The following PTPN3 variants were observed in gnomAD, a reference collection of about 807,000 sequenced individuals.
PTPN3 encodes the protein tyrosine-protein phosphatase non-receptor type 3.
PTPN3 carries 96 observed loss-of-function variants against 132.7 expected under a neutral mutation model. That is an observed-to-expected ratio of 0.72 (90% CI 0.61 to 0.86). The LOEUF (loss-of-function observed/expected upper bound fraction) is 0.86, where lower values mean the gene tolerates loss of function less well. Among genes scored for constraint, PTPN3 ranks in the 40% least tolerant of loss-of-function variants. The pLI, the probability that PTPN3 is intolerant of heterozygous loss-of-function variation, is 0.00. For missense variants in PTPN3, 1,125 were observed against 1,159.6 expected, an observed-to-expected ratio of 0.97 and a Z score of 0.43; for synonymous variants, 398 against 429.0, an observed-to-expected ratio of 0.93 and a Z score of 0.89.
chr9:109,479,467 C>T (rs1390493684), intron 1 of PTPN3, among the ~76,000 whole-genome samples: 5 of 152,256 alleles, frequency 3.3e-5, no homozygotes, highest in African/African-American at 1.2e-4. Context: ...TGTTGCAATG[C>T]TTAAATTTTA....
chr9:109,471,132 C>T (rs1391863921), intron 1 of PTPN3, among the ~76,000 whole-genome samples: 1 of 151,854 alleles, frequency 6.6e-6, no homozygotes, highest in African/African-American at 2.4e-5. Context: ...TCTCAGCTCA[C>T]TGCAACCTCC....
At chr9:109,450,105 C>T in intron 5 of PTPN3, 1 of 984,484 alleles carries the variant, frequency 1.0e-6, no homozygotes. Flanking sequence ...CTACAAATTT[C>T]TTATATGTTT....
chr9:109,416,451 C>CTT (rs1156941196), intron 14 of PTPN3, among the ~76,000 whole-genome samples: 4 of 132,616 alleles, frequency 3.0e-5, no homozygotes, highest in Non-Finnish European at 4.9e-5. Context: ...TTTTTTGTTT[C>CTT]TTTTTTTTTT....
At chr9:109,473,906 A>G (rs558828905) in intron 1 of PTPN3, among the ~76,000 whole-genome samples, 7 of 126,454 alleles carry the variant, frequency 5.5e-5, no homozygotes, top group Admixed American at 1.7e-4. Flanking sequence ...ATTGTGTTAG[A>G]AGTTCTTTTT....
intron 19 of PTPN3, among the ~76,000 whole-genome samples, chr9:109,402,881 G>A (rs1841261961): frequency 6.6e-6 from 1 of 152,000 alleles, no homozygotes; most frequent in South Asian, 2.1e-4. Context: ...GACCAGCCTG[G>A]GCAACATGGC....
At chr9:109,404,192 G>T (rs1841371188) in intron 19 of PTPN3, among the ~76,000 whole-genome samples, 1 of 152,176 alleles carries the variant, frequency 6.6e-6, no homozygotes, top group Non-Finnish European at 1.5e-5. Context: ...AGCGAGGGTG[G>T]CCACCCTGAT....
At chr9:109,488,226 G>A (rs1367757337) in intron 1 of PTPN3, among the ~76,000 whole-genome samples, 2 of 150,522 alleles carry the variant, frequency 1.3e-5, no homozygotes, top group African/African-American at 2.4e-5. Flanking sequence ...CTCAGCCTCC[G>A]GAGTAGCTGC....
chr9:109,458,177 A>G lies in PTPN3; in HGVS notation c.139-778T>C, dbSNP rs546372775. ...GAGGGCTGTGAAACAGTCGAGGCAC[A>G]GTGGACACCCAACGGGACCACACAA... On this transcript the variant is annotated intron_variant, in intron 2 of 25. Coordinates refer to ENST00000374541, the MANE Select transcript of PTPN3 (RefSeq NM_002829.4). Among the ~76,000 whole-genome samples the G allele has an allele frequency of 7.2e-5, 11 of 152,330 alleles. 1 individual carries two copies. The South Asian group carries it at 2.3e-3, about 32-fold the overall frequency.
At chr9:109,387,937 G>A (rs945965939) in intron 22 of PTPN3, among the ~76,000 whole-genome samples, 2 of 152,208 alleles carry the variant, frequency 1.3e-5, no homozygotes, top group Non-Finnish European at 2.9e-5. Flanking sequence ...GAGAAATCAA[G>A]TATCTCGTGG....
chr9:109,377,459 A>ACACACACACACACAC lies in PTPN3; in HGVS notation c.*2096_*2097insGTGTGTGTGTGTGTG, dbSNP rs1564361892. On this transcript the variant is annotated 3_prime_UTR_variant, in exon 26 of 26. Coordinates refer to ENST00000374541, the MANE Select transcript of PTPN3 (RefSeq NM_002829.4). Reference sequence around the variant, plus strand: ...ACACACACACACACACACACACACAAGCCAGGTGAGGTGGCATGTGCCTAT... The same window carrying ACACACACACACACAC: ...ACACACACACACACACACACACACAACACACACACACACACGCCAGGTGAGGTGGCATGTGCCTAT... 4 of 104,492 alleles carry ACACACACACACACAC rather than the reference A, an allele frequency of 3.8e-5. No homozygotes were observed. The highest frequency in any genetic ancestry group is 2.8e-4 in the East Asian group (1 of 3,626). The allele number at this position is 104,492 out of a possible 1,614,324, so 6.5% of individuals were successfully genotyped here. A position where few individuals can be genotyped will look rare whatever the true frequency, so the allele number is the denominator to read the frequency against.
chr9:109,424,093 G>T (rs1401230659), intron 12 of PTPN3, among the ~76,000 whole-genome samples: 2 of 152,152 alleles, frequency 1.3e-5, no homozygotes, highest in Non-Finnish European at 2.9e-5. Flanking sequence ...AACAAGGGGA[G>T]CAAACTGCCC....
At chr9:109,517,224 G>A in the PTPN3 span, among the ~76,000 whole-genome samples, 3 of 152,136 alleles carry the variant, frequency 2.0e-5, no homozygotes, top group African/African-American at 7.2e-5. Context: ...TCCCAAGCAA[G>A]GACCATTTTT....
chr9:109,493,245 AAAACAAAC>A lies in PTPN3; in HGVS notation c.-18+4966_-18+4973del, dbSNP rs141159233. Among the ~76,000 whole-genome samples the A allele has an allele frequency of 6.1e-3, 929 of 152,310 alleles. 11 individuals are homozygous for A. The highest frequency in any genetic ancestry group is 0.021 in the African/African-American group (873 of 41,560). ...GGCGAGACCCTTTCTCTATATTTAA[AAAACAAAC>A]AAACAAACAAAAACCAAAAAGACAA... is the stretch of plus-strand genomic sequence containing the variant. On this transcript the variant is annotated intron_variant, in intron 1 of 25. Transcript: ENST00000374541.
chr9:109,491,975 G>C (rs773356291), intron 1 of PTPN3, among the ~76,000 whole-genome samples: 2 of 152,246 alleles, frequency 1.3e-5, no homozygotes, highest in African/African-American at 4.8e-5. Flanking sequence ...GAGAGGGCAT[G>C]TGCAGATCAT....
chr9:109,451,091 CA>C, intron 5 of PTPN3: 4 of 971,902 alleles, frequency 4.1e-6, no homozygotes, highest in Non-Finnish European at 4.9e-6. Flanking sequence ...AAGCCTGGTC[CA>C]AGATAAGATG....
chr9:109,507,160 G>A, the PTPN3 span, among the ~76,000 whole-genome samples: 8 of 152,172 alleles, frequency 5.3e-5, no homozygotes, highest in Non-Finnish European at 8.8e-5. Flanking sequence ...AAATTCATGT[G>A]GCTGAGGGAT....
intron 16 of PTPN3, among the ~76,000 whole-genome samples, chr9:109,408,796 A>AAATATATAT (rs1377996219): frequency 3.7e-5 from 4 of 108,358 alleles, no homozygotes; most frequent in African/African-American, 7.4e-5. Context: ...AAAAAAAAAA[A>AAATATATAT]ATATATATAT....
the PTPN3 span, among the ~76,000 whole-genome samples, chr9:109,527,895 A>G: frequency 6.6e-6 from 1 of 152,234 alleles, no homozygotes; most frequent in African/African-American, 2.4e-5. Context: ...CAGAATATAT[A>G]AAGAACTCTT....
At chr9:109,402,176 A>C (rs992612300) in intron 19 of PTPN3, among the ~76,000 whole-genome samples, 1 of 152,210 alleles carries the variant, frequency 6.6e-6, no homozygotes, top group Admixed American at 6.5e-5. Context: ...CTGGCTCTTA[A>C]GTTCTTCCTT....
Sources: allele counts gnomAD v4.1 joint callset (sites outside exome capture counted in the v4.1 genomes callset), GRCh38; gene constraint gnomAD v4.1.1; transcripts MANE v1.5; gene names NCBI Gene and HGNC (gene_info 2026-07-23, HGNC 2026-07-21).